Variants in MIB1 observed in about 807,000 individuals in gnomAD.
MIB1 encodes MIB E3 ubiquitin protein ligase 1.
MIB1 carries 278 observed loss-of-function variants against 124.5 expected under a neutral mutation model. That is an observed-to-expected ratio of 2.23 (90% CI 2.02 to 2.47). The LOEUF (loss-of-function observed/expected upper bound fraction) is 2.47, where lower values mean the gene tolerates loss of function less well. MIB1 is among the 30% of genes most tolerant of loss of function. The pLI, the probability that MIB1 is intolerant of heterozygous loss-of-function variation, is 0.00. For synonymous variants in MIB1, 446 were observed against 429.4 expected, an observed-to-expected ratio of 1.04 and a Z score of -0.48; for missense variants, 957 against 1,254.4, an observed-to-expected ratio of 0.76 and a Z score of 3.58.
intron 13 of MIB1, among the ~76,000 whole-genome samples, chr18:21,840,350 G>A (rs964216650): frequency 1.6e-4 from 25 of 151,728 alleles, no homozygotes; most frequent in African/African-American, 5.8e-4. Flanking sequence ...AAGTAATATG[G>A]GAAAGGATTG....
In MIB1 at chr18:21,741,558, C is replaced by A. The variant is rs751204396; in HGVS notation, c.-26C>A. ...GCAGCGGCGGCGGCGGCGGCGGCAG[C>A]GGCGGAGCCCACCGCCCGGGCCCCG... is the stretch of plus-strand genomic sequence containing the variant. On this transcript the variant is annotated 5_prime_UTR_variant, in exon 1 of 21. Coordinates refer to ENST00000261537, the MANE Select transcript of MIB1 (RefSeq NM_020774.4). The surrounding 1 kb of genome is among the most constrained non-coding windows in gnomAD (Gnocchi z 5.4). 41 of 1,335,384 alleles carry A rather than the reference C, an allele frequency of 3.1e-5. No homozygotes were observed. The highest frequency in any genetic ancestry group is 3.8e-5 in the Non-Finnish European group (40 of 1,043,428). 82.7% of individuals were successfully genotyped at this position (1,335,384 alleles called of 1,614,324 possible).
At chr18:21,734,306 C>T (rs2040785517) in intron 1 of MIB1, among the ~76,000 whole-genome samples, 1 of 151,572 alleles carries the variant, frequency 6.6e-6, no homozygotes, top group Non-Finnish European at 1.5e-5. Flanking sequence ...GGGGTTTCAC[C>T]GTGTTGGCCA....
At chr18:21,745,099 C>T (rs1179389536) in intron 1 of MIB1, among the ~76,000 whole-genome samples, 1 of 152,108 alleles carries the variant, frequency 6.6e-6, no homozygotes, top group Non-Finnish European at 1.5e-5. Flanking sequence ...AGCAGTGTTG[C>T]ATGTAAAAAC....
intron 20 of MIB1, 39 bp from the exon 21 acceptor site, chr18:21,864,487 A>G (rs1349583910): frequency 1.3e-6 from 2 of 1,510,232 alleles, no homozygotes; most frequent in East Asian, 2.3e-5. Flanking sequence ...TTCCAAATAT[A>G]AAGTGTCTAA....
intron 6 of MIB1, among the ~76,000 whole-genome samples, chr18:21,783,729 G>A (rs897784193): frequency 6.6e-6 from 1 of 151,280 alleles, no homozygotes; most frequent in South Asian, 2.1e-4. Context: ...ACGTTTTAAT[G>A]TGTTTTTTAA....
intron 13 of MIB1, among the ~76,000 whole-genome samples, chr18:21,840,427 A>C (rs1194008212): frequency 1.3e-5 from 2 of 151,952 alleles, no homozygotes; most frequent in Non-Finnish European, 2.9e-5. Context: ...CCAAACAAAA[A>C]AACCTTAACT....
intron 4 of MIB1, among the ~76,000 whole-genome samples, chr18:21,776,247 C>A (rs1207119095): frequency 3.5e-5 from 5 of 141,794 alleles, no homozygotes; most frequent in Non-Finnish European, 7.6e-5. Context: ...CCAGCCTGGG[C>A]AACAGAGAGA....
In MIB1 at chr18:21,798,195, T is replaced by C; in HGVS notation, c.1204T>C (p.Ser402Pro). The part of the protein sequence containing the change: ...YNPAAVSKVA[S>P]AGSAISNASG... ...TCCAGCAGCAGTTTCCAAGGTGGCATCTGCAGGATCAGCCATTAGCAATGC... is the reference window on the plus strand; with the variant it reads ...TCCAGCAGCAGTTTCCAAGGTGGCACCTGCAGGATCAGCCATTAGCAATGC... The change falls in exon 8 of 21, where the codon TCT (serine) becomes CCT (proline). Residue 402 changes from serine (S) to proline (P), a missense_variant. Physicochemically the swap from Ser to Pro is moderately conservative, Grantham distance 74. Coordinates refer to ENST00000261537, the MANE Select transcript of MIB1 (RefSeq NM_020774.4). The C allele has an allele frequency of 6.2e-7, 1 of 1,613,232 alleles. No homozygotes were observed. Among genetic ancestry groups the C allele is most frequent in the South Asian group, 1.1e-5 (1 of 91,032 alleles).
intron 10 of MIB1, among the ~76,000 whole-genome samples, chr18:21,806,338 C>A (rs2041706441): frequency 6.6e-6 from 1 of 151,836 alleles, no homozygotes; most frequent in Non-Finnish European, 1.5e-5. Context: ...GTAGCTAGGA[C>A]TACAGGTGTG....
chr18:21,856,769 T>G (rs1455733698), intron 18 of MIB1, among the ~76,000 whole-genome samples: 1 of 152,224 alleles, frequency 6.6e-6, no homozygotes, highest in African/African-American at 2.4e-5. Context: ...GTAAGCAAGC[T>G]TATAATTCTA....
chr18:21,733,235 TAGAG>T (rs1218445932), intron 1 of MIB1, among the ~76,000 whole-genome samples: 1 of 152,182 alleles, frequency 6.6e-6, no homozygotes, highest in Non-Finnish European at 1.5e-5. Context: ...ACCCATTCAG[TAGAG>T]AGTTTGCTTG....
At chr18:21,762,841 A>G (rs2041113311) in intron 1 of MIB1, among the ~76,000 whole-genome samples, 1 of 152,142 alleles carries the variant, frequency 6.6e-6, no homozygotes, top group South Asian at 2.1e-4. Context: ...TTCCCCATAT[A>G]CAGTCTCTGA....
chr18:21,831,105 C>CAAAAAAAAAAAAA (rs199659946), intron 12 of MIB1: 2 of 60,852 alleles, frequency 3.3e-5, no homozygotes, highest in African/African-American at 5.7e-5. Flanking sequence ...CTAAAAAAGA[C>CAAAAAAAAAAAAA]AAAAAAAAAA....
At chr18:21,795,306 ATATATAT>A (rs57104120) in intron 7 of MIB1, among the ~76,000 whole-genome samples, 3 of 133,732 alleles carry the variant, frequency 2.2e-5, no homozygotes, top group South Asian at 2.1e-4. Context: ...TAATATATAA[ATATATAT>A]TATATATAAT....
intron 6 of MIB1, among the ~76,000 whole-genome samples, chr18:21,784,322 C>T (rs1403362249): frequency 6.6e-6 from 1 of 152,082 alleles, no homozygotes. Context: ...GCTGGGATTA[C>T]AGGTGTGAGC....
intron 1 of MIB1, among the ~76,000 whole-genome samples, chr18:21,714,547 A>G (rs1241909047): frequency 6.6e-6 from 1 of 152,130 alleles, no homozygotes; most frequent in Non-Finnish European, 1.5e-5. Context: ...GTTAGTCTCA[A>G]TGTTGGCCTT....
chr18:21,716,170 C>T (rs2040688971), intron 1 of MIB1, among the ~76,000 whole-genome samples: 1 of 152,224 alleles, frequency 6.6e-6, no homozygotes, highest in Non-Finnish European at 1.5e-5. Context: ...GATTTCTCAG[C>T]AGAAACCCTG....
intron 1 of MIB1, among the ~76,000 whole-genome samples, chr18:21,711,435 C>T (rs1181925508): frequency 6.6e-6 from 1 of 151,964 alleles, no homozygotes; most frequent in African/African-American, 2.4e-5. Flanking sequence ...GTGCCTGCCA[C>T]TACGCCCGGC....
rs565800030 is a variant in MIB1 at position 21,741,159 on chromosome 18, G to A, written c.-425G>A. Among the ~76,000 whole-genome samples, 2,530 of 152,146 alleles carry A rather than the reference G, an allele frequency of 0.017. 62 individuals carry two copies. The highest frequency in any genetic ancestry group is 0.053 in the African/African-American group (2,220 of 41,550). ...GGGTGGCAGAAAGGCCGGCAGTTAA[G>A]CTTGCTCCCCGCCGCCCCCCTCGGG... On this transcript the variant is annotated 5_prime_UTR_variant, in exon 1 of 21. Coordinates refer to ENST00000261537, the MANE Select transcript of MIB1 (RefSeq NM_020774.4). This position sits in a 1 kb window ranked among gnomAD's most constrained non-coding sequence, Gnocchi z 5.4.
Sources: allele counts gnomAD v4.1 joint callset (sites outside exome capture counted in the v4.1 genomes callset), GRCh38; gene constraint gnomAD v4.1.1; non-coding constraint Gnocchi (gnomAD v3.1); transcripts MANE v1.5; gene names NCBI Gene and HGNC (gene_info 2026-07-23, HGNC 2026-07-21).